The following KLHDC4 variants were observed in gnomAD, a reference collection of about 807,000 sequenced individuals.
The protein encoded by KLHDC4 is kelch domain containing 4.
KLHDC4 carries 90 observed loss-of-function variants against 62.4 expected under a neutral mutation model. That is an observed-to-expected ratio of 1.44 (90% CI 1.22 to 1.72). The LOEUF (loss-of-function observed/expected upper bound fraction) is 1.72, where lower values mean the gene tolerates loss of function less well. Ranked by LOEUF, KLHDC4 falls within the 40% of genes most tolerant of loss-of-function variation. KLHDC4 has a pLI of 0.00. For synonymous variants in KLHDC4, 386 were observed against 284.4 expected (o/e 1.36, Z -3.59); for missense variants, 1,025 against 699.7 (o/e 1.47, Z -5.25).
rs1415485488 is a variant in KLHDC4 at position 87,765,836 on chromosome 16, C to A, written c.55G>T (p.Ala19Ser). 4 of 1,559,144 alleles carry A rather than the reference C, an allele frequency of 2.6e-6. No homozygotes were observed. In the East Asian group the frequency reaches 7.1e-5, roughly 28 times the overall value. ...TTAGACACCTTCTTCTCCATCTTGG[C>A]GGCCGTCTTCTCCGCGCCGCGGCCC... ...KKGRGAEKTA[A>S]KMEKKVSKRS... is the part of the protein sequence containing the mutation. Residue 19 changes from alanine to serine, a missense_variant, in exon 1 of 12, where the codon GCC becomes TCC. By Grantham distance (99) the Ala-to-Ser change is moderately conservative. Coordinates refer to ENST00000270583, the MANE Select transcript of KLHDC4 (RefSeq NM_017566.4).
downstream of KLHDC4, among the ~76,000 whole-genome samples, chr16:87,704,469 G>A (rs185304741): frequency 0.02 from 1,785 of 87,124 alleles, 83 homozygotes; most frequent in Non-Finnish European, 0.028. Context: ...AACATGACAG[G>A]GAAGGAGGCG....
exon 1 of KLHDC4, chr16:87,701,358 A>T: frequency 6.4e-6 from 2 of 314,388 alleles, no homozygotes. Context: ...CTGTGGAGAG[A>T]AGCTGAATGC....
At chr16:87,706,425 C>G (rs1433684737), downstream of KLHDC4, among the ~76,000 whole-genome samples, 1 of 127,888 alleles carries the variant, frequency 7.8e-6, no homozygotes, top group African/African-American at 3.0e-5. Flanking sequence ...GCTGCAGCCT[C>G]CAGGGGGGTC....
intron 8 of KLHDC4, among the ~76,000 whole-genome samples, chr16:87,712,396 T>C (rs1597396442): frequency 6.6e-6 from 1 of 152,058 alleles, no homozygotes; most frequent in Non-Finnish European, 1.5e-5. Context: ...AGCACATGAC[T>C]GTGTGAAGGA....
Position 87,741,392 on chromosome 16 carries a change from C to A in KLHDC4, c.506+7281G>T, listed in dbSNP as rs115336913. 1.0e-3 allele frequency among the ~76,000 whole-genome samples: 155 copies of A among 152,312 alleles called. 2 individuals are homozygous for A. The highest frequency in any genetic ancestry group is 3.6e-3 in the African/African-American group (151 of 41,576). On this transcript the variant is annotated intron_variant, in intron 5 of 11. Transcript: ENST00000270583. ...AGCAGGCATCAAAGGCTGAGCCCCA[C>A]CTCCTGTCAAAGCAGCAGCAGCATT... is the stretch of plus-strand genomic sequence containing the variant.
intron 5 of KLHDC4, among the ~76,000 whole-genome samples, chr16:87,735,609 A>T (rs1378274447): frequency 6.6e-6 from 1 of 152,196 alleles, no homozygotes; most frequent in Non-Finnish European, 1.5e-5. Flanking sequence ...AAAGGGGAAA[A>T]TTTTCTATAA....
In KLHDC4 at chr16:87,762,084, C is replaced by T. The variant is rs775932895; in HGVS notation, c.100-44G>A. 2.5e-6 allele frequency: 4 copies of T among 1,603,610 alleles called. No individual in the cohort carries two copies. In the East Asian group the frequency reaches 6.7e-5, roughly 27 times the overall value. On this transcript the variant is annotated intron_variant, in intron 1 of 11. Coordinates refer to ENST00000270583, the MANE Select transcript of KLHDC4 (RefSeq NM_017566.4). ...CACACGTGAGACTTATTCCCAGGACCCGCCGCGGAGCCACAGCCCGCTCAG... is the reference window on the plus strand; with the variant it reads ...CACACGTGAGACTTATTCCCAGGACTCGCCGCGGAGCCACAGCCCGCTCAG...
intron 4 of KLHDC4, among the ~76,000 whole-genome samples, chr16:87,754,684 G>A (rs549510909): frequency 2.6e-5 from 4 of 152,306 alleles, no homozygotes; most frequent in Non-Finnish European, 4.4e-5. Context: ...AGAGCTTACA[G>A]AACGTCTAAC....
exon 1 of KLHDC4, chr16:87,701,210 C>T (rs1238675638): frequency 4.5e-6 from 1 of 221,766 alleles, no homozygotes; most frequent in Non-Finnish European, 9.2e-6. Flanking sequence ...TGCAGGCCAG[C>T]GCTTCCCGAT....
Position 87,711,343 on chromosome 16 carries a change from G to A in KLHDC4, c.936C>T (p.Phe312=), listed in dbSNP as rs749258143. 1.2e-5 allele frequency: 19 copies of A among 1,613,812 alleles called. No homozygotes were observed. The highest frequency in any genetic ancestry group is 1.6e-4 in the Middle Eastern group (1 of 6,084). Residue 312 remains phenylalanine (F), a synonymous_variant, in exon 9 of 12, where the codon TTC becomes TTT. Coordinates refer to ENST00000270583, the MANE Select transcript of KLHDC4 (RefSeq NM_017566.4). ...AMAPNHQTLF[F]GGVCDEEEEE... is the part of the protein sequence containing the mutation. ...CCTCTTCCTCGTCACAGACACCCCC[G>A]AAGAACAGTGTCTGGTGATTCGGGG...
At chr16:87,757,599 A>G (rs1257095271) in intron 2 of KLHDC4, 1 of 152,122 alleles carries the variant, frequency 6.6e-6, no homozygotes, top group South Asian at 2.1e-4. Context: ...ATTACATAAT[A>G]ATATTATGGG....
intron 2 of KLHDC4, among the ~76,000 whole-genome samples, chr16:87,759,556 G>A (rs2045546360): frequency 6.6e-6 from 1 of 152,228 alleles, no homozygotes; most frequent in Non-Finnish European, 1.5e-5. Flanking sequence ...AGACCAGCCT[G>A]ACCAACACGG....
chr16:87,733,567 G>A (rs1475330850), intron 5 of KLHDC4, among the ~76,000 whole-genome samples: 1 of 151,966 alleles, frequency 6.6e-6, no homozygotes, highest in Non-Finnish European at 1.5e-5. Flanking sequence ...CCACTCCCTG[G>A]GATCCTCACT....
chr16:87,722,239 T>C (rs955599076), intron 7 of KLHDC4, among the ~76,000 whole-genome samples: 3 of 152,192 alleles, frequency 2.0e-5, no homozygotes, highest in Non-Finnish European at 2.9e-5. Flanking sequence ...GTGGTTACGA[T>C]ACTGACCAAA....
intron 8 of KLHDC4, among the ~76,000 whole-genome samples, chr16:87,712,002 G>C (rs3794670): frequency 0.059 from 8,405 of 141,314 alleles, 310 homozygotes; most frequent in South Asian, 0.17. Flanking sequence ...TGTGCCAGCC[G>C]CCCTTGGGCC....
intron 8 of KLHDC4, among the ~76,000 whole-genome samples, chr16:87,712,768 T>C (rs1222600325): frequency 6.6e-6 from 1 of 152,102 alleles, no homozygotes; most frequent in Admixed American, 6.5e-5. Context: ...AAGAAGGAGG[T>C]AAAAACACTT....
At chr16:87,703,732 G>T (rs1357904036), downstream of KLHDC4, among the ~76,000 whole-genome samples, 1 of 152,190 alleles carries the variant, frequency 6.6e-6, no homozygotes, top group Non-Finnish European at 1.5e-5. Flanking sequence ...ACTCAGGGAA[G>T]CCGGGTCACC....
Position 87,730,761 on chromosome 16 carries a change from C to T in KLHDC4, c.507-117G>A. ...CTGATTTCTGTTTTGTGAGCACTTA[C>T]TGCTCACAAATTAAATACCATTTAA... On this transcript the variant is annotated intron_variant, in intron 5 of 11. Transcript: ENST00000270583. The T allele has an allele frequency of 3.7e-6, 3 of 821,256 alleles. No homozygotes were observed. The Middle Eastern group carries it at 6.7e-4, about 184-fold the overall frequency. 50.9% of individuals were successfully genotyped at this position (821,256 alleles called of 1,614,324 possible).
rs370683882 is a variant in KLHDC4, at chr16:87,714,381, G to T, written c.835+117C>A. On this transcript the variant is annotated intron_variant, in intron 8 of 11. Transcript: ENST00000270583. ...AATGAGCCATCTCGGCAGGCCCTCC[G>T]CTCCGGGCAGGGTGCAGGGGCTCAC... 1.2e-4 allele frequency: 65 copies of T among 558,020 alleles called. No individual in the cohort carries two copies. In the African/African-American group the frequency reaches 2.2e-3, roughly 19 times the overall value. The allele number at this position is 558,020 out of a possible 1,614,324, so 34.6% of individuals were successfully genotyped here.
Sources: gnomAD v4.1 joint callset for allele counts (sites outside exome capture counted in the v4.1 genomes callset) on GRCh38, gnomAD v4.1.1 for gene constraint, MANE v1.5 for transcripts, NCBI Gene and HGNC (gene_info 2026-07-23, HGNC 2026-07-21) for gene names.